THSD7B: variants seen among roughly 807,000 people sequenced by gnomAD.
THSD7B encodes thrombospondin type-1 domain-containing protein 7B.
THSD7B carries 138 observed loss-of-function variants against 213.6 expected under a neutral mutation model. The observed-to-expected ratio is 0.65, with a 90% CI of 0.56 to 0.74. The LOEUF (loss-of-function observed/expected upper bound fraction) is 0.74. Ranked by LOEUF, THSD7B falls within the 30% of genes least tolerant of loss-of-function variation. The pLI, the probability that THSD7B is intolerant of heterozygous loss-of-function variation, is 0.00. For synonymous variants in THSD7B, 742 were observed against 687.0 expected (o/e 1.08, Z -1.25); for missense variants, 1,931 against 1,991.5 (o/e 0.97, Z 0.58).
chr2:137,313,409 A>G (rs899268210), intron 12 of THSD7B, among the ~76,000 whole-genome samples: 6 of 149,062 alleles, frequency 4.0e-5, no homozygotes, highest in African/African-American at 9.9e-5. Context: ...GTTTCTGCAC[A>G]TGAGATGGGT....
intron 2 of THSD7B, among the ~76,000 whole-genome samples, chr2:136,912,554 C>T (rs567598119): frequency 1.3e-5 from 2 of 152,212 alleles, no homozygotes; most frequent in South Asian, 2.1e-4. Context: ...TATGGTTTAG[C>T]TGTGCCCCCA....
At chr2:137,466,074 G>T (rs1332892953) in intron 15 of THSD7B, among the ~76,000 whole-genome samples, 1 of 152,066 alleles carries the variant, frequency 6.6e-6, no homozygotes, top group East Asian at 1.9e-4. Context: ...TAAAAGCATT[G>T]CAAGTATTAT....
At chr2:136,853,859 G>T (rs1490409896) in intron 1 of THSD7B, among the ~76,000 whole-genome samples, 2 of 151,886 alleles carry the variant, frequency 1.3e-5, no homozygotes, top group Admixed American at 6.6e-5. Flanking sequence ...ATTCAACAGG[G>T]TATAATTATG....
rs116484171 is a variant in THSD7B, at chr2:136,769,626, C to T, written c.-36+3939C>T. ...GTATATACTGTTGTGATGACTAAAA[C>T]ACAGTATGTATAAAAGCATCGCTAA... On this transcript the variant is annotated intron_variant, in intron 1 of 27. Transcript: ENST00000409968. Among the ~76,000 whole-genome samples, 856 of 152,152 alleles carry T rather than the reference C, an allele frequency of 5.6e-3. 15 individuals are homozygous for T. Among genetic ancestry groups the T allele is most frequent in the African/African-American group, 0.019 (800 of 41,452 alleles).
At position 136,826,612 on chromosome 2, in the gene THSD7B, C is replaced by T. The variant is rs553760476; in HGVS notation, c.-35-55532C>T. The stretch of plus-strand genomic sequence containing the variant: ...CTGGAAGGCATGGGGAGCCTTTTGT[C>T]CTAGCAAGAGCTAAAGTTAGATTCT... On this transcript the variant is annotated intron_variant, in intron 1 of 27. Coordinates refer to ENST00000409968, the MANE Select transcript of THSD7B (RefSeq NM_001316349.2). Among the ~76,000 whole-genome samples, 3 of 152,290 alleles carry T rather than the reference C, an allele frequency of 2.0e-5. No individual in the cohort carries two copies. The South Asian group carries it at 6.2e-4, about 32-fold the overall frequency.
intron 15 of THSD7B, among the ~76,000 whole-genome samples, chr2:137,514,914 G>A (rs1014676532): frequency 4.6e-5 from 7 of 152,202 alleles, no homozygotes; most frequent in Non-Finnish European, 8.8e-5. Context: ...TGGACAAAGT[G>A]ATGAAAGAAA....
chr2:137,533,934 A>C (rs1005050146), intron 15 of THSD7B, among the ~76,000 whole-genome samples: 4 of 151,676 alleles, frequency 2.6e-5, no homozygotes. Flanking sequence ...TTCTCTCTGT[A>C]ATATTGGTTG....
At chr2:137,014,571 A>C (rs1019967281) in intron 2 of THSD7B, among the ~76,000 whole-genome samples, 7 of 151,998 alleles carry the variant, frequency 4.6e-5, no homozygotes, top group Non-Finnish European at 7.4e-5. Flanking sequence ...TCAGCCTGGG[A>C]TTTCTTTCAT....
intron 2 of THSD7B, among the ~76,000 whole-genome samples, chr2:137,054,110 A>G (rs1184409614): frequency 6.6e-6 from 1 of 152,236 alleles, no homozygotes; most frequent in Non-Finnish European, 1.5e-5. Flanking sequence ...AAGAATTGTG[A>G]GTAATCTACA....
chr2:136,964,450 A>G (rs572885203), intron 2 of THSD7B, among the ~76,000 whole-genome samples: 2 of 152,244 alleles, frequency 1.3e-5, no homozygotes, highest in East Asian at 1.9e-4. Flanking sequence ...AGGAAAGAGC[A>G]GAGCTTAACT....
chr2:137,624,200 CA>C (rs775383212), intron 20 of THSD7B, among the ~76,000 whole-genome samples: 2 of 152,200 alleles, frequency 1.3e-5, no homozygotes, highest in Non-Finnish European at 2.9e-5. Flanking sequence ...TGATCTTTGA[CA>C]AACCTGACAA....
At chr2:136,895,724 A>C (rs545821036) in intron 2 of THSD7B, among the ~76,000 whole-genome samples, 1 of 152,126 alleles carries the variant, frequency 6.6e-6, no homozygotes, top group Non-Finnish European at 1.5e-5. Flanking sequence ...ATTTTAGATC[A>C]CTTTAATCAC....
intron 15 of THSD7B, among the ~76,000 whole-genome samples, chr2:137,489,449 A>T (rs1256326047): frequency 1.3e-5 from 2 of 152,056 alleles, no homozygotes; most frequent in Admixed American, 6.6e-5. Context: ...AGAAAAAAAA[A>T]ATTAGCCTAC....
intron 2 of THSD7B, among the ~76,000 whole-genome samples, chr2:137,031,909 A>G (rs1686678986): frequency 6.7e-6 from 1 of 149,254 alleles, no homozygotes; most frequent in Non-Finnish European, 1.5e-5. Context: ...TGACATGCTC[A>G]CCGCTCACTA....
intron 12 of THSD7B, among the ~76,000 whole-genome samples, chr2:137,295,830 T>C (rs1157242815): frequency 1.3e-5 from 2 of 152,076 alleles, no homozygotes; most frequent in African/African-American, 4.8e-5. Flanking sequence ...AATGCTGAGG[T>C]TCCATGGTGG....
chr2:137,085,871 C>A (rs11885800), intron 3 of THSD7B, among the ~76,000 whole-genome samples: 59,418 of 152,014 alleles, frequency 0.39, 13,760 homozygotes, highest in African/African-American at 0.65. Flanking sequence ...GTATTACAAA[C>A]ACCATAACAA....
chr2:136,967,429 A>G (rs1685339293), intron 2 of THSD7B, among the ~76,000 whole-genome samples: 1 of 152,036 alleles, frequency 6.6e-6, no homozygotes, highest in Admixed American at 6.6e-5. Flanking sequence ...ATTCTGTCTC[A>G]TTTCTGGTAA....
intron 5 of THSD7B, among the ~76,000 whole-genome samples, chr2:137,152,553 C>T (rs1205605767): frequency 6.6e-6 from 1 of 152,160 alleles, no homozygotes; most frequent in African/African-American, 2.4e-5. Flanking sequence ...ATTGTACGCA[C>T]CTGAGTGGTT....
chr2:136,947,520 G>T (rs141412629), intron 2 of THSD7B, among the ~76,000 whole-genome samples: 5 of 152,268 alleles, frequency 3.3e-5, no homozygotes, highest in African/African-American at 1.2e-4. Flanking sequence ...GGAGGAAAGA[G>T]AGCTTAAATC....
Sources: allele counts gnomAD v4.1 joint callset (sites outside exome capture counted in the v4.1 genomes callset), GRCh38; gene constraint gnomAD v4.1.1; transcripts MANE v1.5; gene names NCBI Gene and HGNC (gene_info 2026-07-23, HGNC 2026-07-21).